CLASP2: variants seen among roughly 807,000 people sequenced by gnomAD.
CLASP2 encodes the protein CLIP-associating protein 2.
A neutral mutation model predicts 194.4 loss-of-function variants in CLASP2; 47 were observed. That is an observed-to-expected ratio of 0.24 (90% CI 0.19 to 0.31). CLASP2 has a LOEUF of 0.31. Ranked by LOEUF, CLASP2 falls within the 10% of genes least tolerant of loss-of-function variation. The pLI is 1.00. For missense variants in CLASP2, 1,445 were observed against 1,823.6 expected (o/e 0.79, Z 3.78); for synonymous variants, 619 against 633.5 (o/e 0.98, Z 0.34).
At chr3:33,565,145 A>G (rs892630159) in intron 27 of CLASP2, among the ~76,000 whole-genome samples, 1 of 152,122 alleles carries the variant, frequency 6.6e-6, no homozygotes, top group Non-Finnish European at 1.5e-5. Flanking sequence ...ACAATTAGTA[A>G]GTAAATATAT....
At chr3:33,686,251 A>C (rs1047674446) in intron 5 of CLASP2, among the ~76,000 whole-genome samples, 13 of 152,288 alleles carry the variant, frequency 8.5e-5, no homozygotes, top group African/African-American at 2.6e-4. Context: ...GAGGGACATG[A>C]ACCAGAACAC....
At chr3:33,629,536 C>G (rs778624424) in intron 9 of CLASP2, among the ~76,000 whole-genome samples, 9 of 151,996 alleles carry the variant, frequency 5.9e-5, no homozygotes, top group East Asian at 1.9e-4. Flanking sequence ...GACAGGCTGG[C>G]TGATGGATAG....
At chr3:33,563,369 A>G (rs1034971970) in intron 27 of CLASP2, among the ~76,000 whole-genome samples, 3 of 152,128 alleles carry the variant, frequency 2.0e-5, no homozygotes, top group African/African-American at 7.2e-5. Flanking sequence ...CCTACTTGAC[A>G]CAGTCTCTCT....
chr3:33,645,860 G>T (rs1224914448), intron 7 of CLASP2, among the ~76,000 whole-genome samples: 2 of 150,388 alleles, frequency 1.3e-5, no homozygotes, highest in East Asian at 3.9e-4. Flanking sequence ...ATTCTACAAG[G>T]CTCCTTTCGG....
intron 37 of CLASP2, among the ~76,000 whole-genome samples, chr3:33,506,543 A>G (rs116076610): frequency 0.012 from 1,879 of 152,064 alleles, 13 homozygotes; most frequent in Middle Eastern, 0.044. Context: ...AGAGTTCCAA[A>G]AAAGTTGATT....
chr3:33,687,039 T>C (rs2090763065), intron 5 of CLASP2, 21 bp downstream of exon 5: 4 of 1,442,670 alleles, frequency 2.8e-6, no homozygotes, highest in Non-Finnish European at 3.8e-6. Flanking sequence ...AGTCAATGCT[T>C]GAATGTAAAT....
chr3:33,634,222 ATAT>A lies in CLASP2; in HGVS notation c.863-1854_863-1852del, dbSNP rs953912548. ...TTTGAAAGAAGAAAATATTGGCAAA[ATAT>A]TATCTAAACTGTGTACCTAGCAAAA... is the stretch of plus-strand genomic sequence containing the variant. On this transcript the variant is annotated intron_variant, in intron 8 of 38. Coordinates refer to ENST00000682230, the MANE Select transcript of CLASP2 (RefSeq NM_001365631.1). Among the ~76,000 whole-genome samples the A allele has an allele frequency of 1.0e-3, 156 of 152,354 alleles. 1 individual carries two copies. Among genetic ancestry groups the A allele is most frequent in the African/African-American group, 3.7e-3 (152 of 41,580 alleles).
intron 6 of CLASP2, among the ~76,000 whole-genome samples, chr3:33,669,753 T>C (rs2086813882): frequency 6.6e-6 from 1 of 151,934 alleles, no homozygotes; most frequent in Non-Finnish European, 1.5e-5. Context: ...TTAGTAAAAA[T>C]AAGCCTAACA....
chr3:33,683,106 G>A lies in CLASP2; in HGVS notation c.644+1253C>T, dbSNP rs992355940. The A allele has an allele frequency of 8.5e-5, 13 of 152,274 alleles. No individual in the cohort carries two copies. In the South Asian group the frequency reaches 1.9e-3, roughly 22 times the overall value. The allele number at this position is 152,274 out of a possible 1,614,324, so 9.4% of individuals were successfully genotyped here. A position where few individuals can be genotyped will look rare whatever the true frequency, so the allele number is the denominator to read the frequency against. Reference sequence around the variant, plus strand: ...CATACTTTTAAAGGATTTACTTGATGAATGAATTAATATTTTTAGTAAATC... The same window carrying A: ...CATACTTTTAAAGGATTTACTTGATAAATGAATTAATATTTTTAGTAAATC... On this transcript the variant is annotated intron_variant, in intron 6 of 38. Coordinates refer to ENST00000682230, the MANE Select transcript of CLASP2 (RefSeq NM_001365631.1).
intron 18 of CLASP2, among the ~76,000 whole-genome samples, chr3:33,597,398 G>A (rs774629011): frequency 3.3e-5 from 5 of 152,190 alleles, no homozygotes; most frequent in Non-Finnish European, 5.9e-5. Flanking sequence ...TTCTTAAGAA[G>A]TGTATGCTTG....
At chr3:33,590,028 C>A (rs2068354308) in intron 21 of CLASP2, among the ~76,000 whole-genome samples, 1 of 151,946 alleles carries the variant, frequency 6.6e-6, no homozygotes, top group Non-Finnish European at 1.5e-5. Flanking sequence ...CAAAAGCAGT[C>A]TAAAATTCAG....
chr3:33,583,003 T>A (rs955742333), intron 22 of CLASP2, among the ~76,000 whole-genome samples: 1 of 152,164 alleles, frequency 6.6e-6, no homozygotes, highest in African/African-American at 2.4e-5. Context: ...AAAGCTTGAC[T>A]CCTACACACT....
At chr3:33,522,489 T>A (rs1013270314) in intron 34 of CLASP2, among the ~76,000 whole-genome samples, 2 of 152,000 alleles carry the variant, frequency 1.3e-5, no homozygotes, top group African/African-American at 4.8e-5. Context: ...GATTCAAATA[T>A]CCAGTTTTCA....
At chr3:33,714,846 A>T (rs1437585532) in intron 1 of CLASP2, among the ~76,000 whole-genome samples, 2 of 152,118 alleles carry the variant, frequency 1.3e-5, no homozygotes, top group Non-Finnish European at 2.9e-5. Flanking sequence ...AGTAGCTGGG[A>T]CTACAGGCAT....
chr3:33,619,501 G>A, intron 12 of CLASP2, 102 bp downstream of exon 12: 1 of 1,017,102 alleles, frequency 9.8e-7, no homozygotes, highest in Non-Finnish European at 1.4e-6. Flanking sequence ...GACTTACATT[G>A]AGAGAGAGGG....
At chr3:33,650,235 A>T (rs2154318064) in intron 7 of CLASP2, among the ~76,000 whole-genome samples, 1 of 152,374 alleles carries the variant, frequency 6.6e-6, no homozygotes, top group East Asian at 1.9e-4. Context: ...GGGCATGCAT[A>T]ACAGTAGCTT....
intron 7 of CLASP2, 138 bp from the exon 8 acceptor site, chr3:33,645,041 A>G: frequency 2.4e-6 from 2 of 845,408 alleles, no homozygotes; most frequent in South Asian, 1.5e-5. Flanking sequence ...GGTCCTTTGA[A>G]TAAGCATTTA....
intron 29 of CLASP2, among the ~76,000 whole-genome samples, chr3:33,553,287 T>C (rs2060352227): frequency 6.6e-6 from 1 of 152,170 alleles, no homozygotes; most frequent in South Asian, 2.1e-4. Context: ...TTTTCTTTCA[T>C]AATGAATTTT....
chr3:33,533,934 C>T (rs1482128213), intron 34 of CLASP2, among the ~76,000 whole-genome samples: 4 of 152,228 alleles, frequency 2.6e-5, no homozygotes, highest in South Asian at 4.2e-4. Context: ...AGGCTGGTCT[C>T]GAACTCCTGG....
Sources: allele counts gnomAD v4.1 joint callset (sites outside exome capture counted in the v4.1 genomes callset), GRCh38; gene constraint gnomAD v4.1.1; transcripts MANE v1.5; gene names NCBI Gene and HGNC (gene_info 2026-07-23, HGNC 2026-07-21).